The following FIP1L1 variants were observed in gnomAD, a reference collection of about 807,000 sequenced individuals.
FIP1L1 encodes pre-mRNA 3'-end-processing factor FIP1.
FIP1L1 carries 21 observed loss-of-function variants against 84.6 expected under a neutral mutation model. The ratio of observed to expected loss-of-function variants is 0.25; its 90% CI spans 0.18 to 0.36. FIP1L1 has a LOEUF of 0.36. FIP1L1 is among the 10% of genes least tolerant of loss of function. The pLI is 1.00. For missense variants in FIP1L1, 526 were observed against 751.1 expected (o/e 0.70, Z 3.50); for synonymous variants, 263 against 242.3 (o/e 1.09, Z -0.80).
At chr4:53,452,897 T>A in intron 15 of FIP1L1, 23 bp from the exon 16 acceptor site, 2 of 1,606,318 alleles carry the variant, frequency 1.2e-6, no homozygotes, top group Non-Finnish European at 1.7e-6. Flanking sequence ...TAACGTTTGT[T>A]TTTAATCGTG....
At chr4:53,408,417 T>G (rs1012284298) in intron 10 of FIP1L1, among the ~76,000 whole-genome samples, 2 of 152,206 alleles carry the variant, frequency 1.3e-5, no homozygotes, top group African/African-American at 4.8e-5. Context: ...TCTCTCTGGC[T>G]GCCCTGAACA....
chr4:53,377,870 C>G lies in FIP1L1; in HGVS notation c.32C>G (p.Ser11Trp). 1 of 1,600,924 alleles carries G rather than the reference C, an allele frequency of 6.2e-7. No individual in the cohort carries two copies. Among genetic ancestry groups the G allele is most frequent in the Non-Finnish European group, 8.5e-7 (1 of 1,173,912 alleles). The change falls in exon 1 of 18, where the codon TCG (serine) becomes TGG (tryptophan). Residue 11 changes from serine to tryptophan, a missense_variant. Physicochemically the swap from Ser to Trp is radical, Grantham distance 177 (BLOSUM62 -3). Around this residue, in one of 6 missense-constraint regions of FIP1L1, gnomAD observed 100 missense variants for 107.2 expected, o/e 0.93. Transcript: ENST00000337488. ...GCCGGCGAGGTCGAGCGCCTAGTGT[C>G]GGAGCTGAGCGGCGGGACCGGAGGG... MSAGEVERLV[S>W]ELSGGTGGDE...
chr4:53,393,323 C>A (rs1214619542), intron 9 of FIP1L1, among the ~76,000 whole-genome samples: 1 of 152,192 alleles, frequency 6.6e-6, no homozygotes, highest in African/African-American at 2.4e-5. Context: ...AATTTATTTT[C>A]ATATCTGCTG....
intron 10 of FIP1L1, among the ~76,000 whole-genome samples, chr4:53,411,008 A>T (rs1181761577): frequency 6.6e-6 from 1 of 152,190 alleles, no homozygotes; most frequent in Non-Finnish European, 1.5e-5. Context: ...TTTTCTTGAA[A>T]TTAATGGCCA....
At chr4:53,405,724 A>G (rs1353930599) in intron 10 of FIP1L1, among the ~76,000 whole-genome samples, 3 of 149,192 alleles carry the variant, frequency 2.0e-5, no homozygotes, top group Admixed American at 1.3e-4. Context: ...GGTCCTTCAC[A>G]TCCCTTGTAA....
chr4:53,383,866 C>T lies in FIP1L1; in HGVS notation c.322C>T (p.Pro108Ser). The T allele has an allele frequency of 1.2e-6, 2 of 1,611,562 alleles. No homozygotes were observed. Among genetic ancestry groups the T allele is most frequent in the South Asian group, 2.2e-5 (2 of 90,518 alleles). Residue 108 changes from proline (P) to serine (S), a missense_variant, in exon 5 of 18, where the codon CCA becomes TCA. Pro to Ser is a moderately conservative substitution (Grantham distance 74). Transcript: ENST00000337488. ...VTIGDIKTGAPQYGSYGTAPV... is the reference protein window; with the variant it reads ...VTIGDIKTGASQYGSYGTAPV... ...TATAGGAGACATTAAAACGGGAGCACCACAGTATGGGTAAGTTATTTTTTA... is the reference window on the plus strand; with the variant it reads ...TATAGGAGACATTAAAACGGGAGCATCACAGTATGGGTAAGTTATTTTTTA...
chr4:53,429,544 CAT>C (rs990022745), intron 13 of FIP1L1, among the ~76,000 whole-genome samples: 44 of 152,210 alleles, frequency 2.9e-4, no homozygotes, highest in African/African-American at 1.0e-3. Context: ...AATGTTTCAA[CAT>C]ATTTGATTAA....
At chr4:53,422,868 C>T (rs62325218) in intron 11 of FIP1L1, among the ~76,000 whole-genome samples, 1 of 152,022 alleles carries the variant, frequency 6.6e-6, no homozygotes, top group Non-Finnish European at 1.5e-5. Flanking sequence ...GCATGTGCTA[C>T]TATGCCTAGC....
chr4:53,453,570 A>G (rs1217486609), intron 16 of FIP1L1, among the ~76,000 whole-genome samples: 2 of 152,108 alleles, frequency 1.3e-5, no homozygotes, highest in Non-Finnish European at 2.9e-5. Context: ...CTTACATTGG[A>G]AGAAGATGCC....
chr4:53,417,286 A>C (rs1380120341), intron 11 of FIP1L1, among the ~76,000 whole-genome samples: 2 of 152,184 alleles, frequency 1.3e-5, no homozygotes, highest in East Asian at 3.9e-4. Context: ...AATTAGTCTC[A>C]AGAATATATG....
chr4:53,429,411 A>C (rs1198080391), intron 13 of FIP1L1, among the ~76,000 whole-genome samples: 1 of 152,216 alleles, frequency 6.6e-6, no homozygotes, highest in African/African-American at 2.4e-5. Context: ...TGTGTCTTTA[A>C]TATGCTGAGT....
chr4:53,399,665 T>C (rs1749219702), intron 9 of FIP1L1, 65 bp from the exon 10 acceptor site: 4 of 993,906 alleles, frequency 4.0e-6, no homozygotes, highest in Non-Finnish European at 6.2e-6. Flanking sequence ...TATTTTAACA[T>C]CTAAAGTCCA....
chr4:53,397,390 A>G (rs779119899), intron 9 of FIP1L1, among the ~76,000 whole-genome samples: 3 of 152,174 alleles, frequency 2.0e-5, no homozygotes, highest in Non-Finnish European at 4.4e-5. Context: ...GCTTGAATCC[A>G]AGTGGTCCAA....
At chr4:53,421,994 G>GT (rs1308065523) in intron 11 of FIP1L1, among the ~76,000 whole-genome samples, 1 of 152,168 alleles carries the variant, frequency 6.6e-6, no homozygotes, top group African/African-American at 2.4e-5. Context: ...AGACCACGTT[G>GT]TTTTGCTTCC....
At chr4:53,393,825 A>T (rs1008139916) in intron 9 of FIP1L1, among the ~76,000 whole-genome samples, 3 of 118,900 alleles carry the variant, frequency 2.5e-5, no homozygotes, top group Admixed American at 2.6e-4. Context: ...AGTTTTCTGA[A>T]ATTTTACAGT....
In FIP1L1 at chr4:53,377,718, GAGCTTTCTTC is replaced by G; in HGVS notation, c.-120_-111del. The stretch of plus-strand genomic sequence containing the variant: ...GTCGCCTTCCTGGGATTGGAGTCTC[GAGCTTTCTTC>G]GTTCGTTCGTCGGCGGGTTCGCGCC... On this transcript the variant is annotated 5_prime_UTR_variant, in exon 1 of 18. An upstream open reading frame in the 5' UTR gains an earlier in-frame stop. Coordinates refer to ENST00000337488, the MANE Select transcript of FIP1L1 (RefSeq NM_030917.4). 1 of 906,814 alleles carries G rather than the reference GAGCTTTCTTC, an allele frequency of 1.1e-6. No homozygotes were observed. The highest frequency in any genetic ancestry group is 1.6e-6 in the Non-Finnish European group (1 of 627,278). The allele number at this position is 906,814 out of a possible 1,614,324, so 56.2% of individuals were successfully genotyped here. A position where few individuals can be genotyped will look rare whatever the true frequency, so the allele number is the denominator to read the frequency against.
chr4:53,459,849 T>TAAGG lies in FIP1L1; in HGVS notation c.*401_*404dup, dbSNP rs933394203. Reference sequence around the variant, plus strand: ...CACAAAAGGCAACAAAGGGCCCCTCTAAGGCTTGAGATTAAAACTAGTCTT... The same window carrying TAAGG: ...CACAAAAGGCAACAAAGGGCCCCTCTAAGGAAGGCTTGAGATTAAAACTAGTCTT... On this transcript the variant is annotated 3_prime_UTR_variant, in exon 18 of 18. Coordinates refer to ENST00000337488, the MANE Select transcript of FIP1L1 (RefSeq NM_030917.4). 2.8e-5 allele frequency: 7 copies of TAAGG among 250,244 alleles called. No homozygotes were observed. The highest frequency in any genetic ancestry group is 1.3e-4 in the African/African-American group (6 of 45,142). 15.5% of individuals were successfully genotyped at this position (250,244 alleles called of 1,614,324 possible).
intron 9 of FIP1L1, among the ~76,000 whole-genome samples, chr4:53,397,332 T>C (rs558156174): frequency 6.6e-5 from 10 of 152,294 alleles, no homozygotes; most frequent in Non-Finnish European, 1.2e-4. Context: ...CTCAGTAAAA[T>C]TGGCTAGAGA....
chr4:53,391,751 T>C (rs987616398), intron 9 of FIP1L1, among the ~76,000 whole-genome samples: 1 of 152,158 alleles, frequency 6.6e-6, no homozygotes, highest in African/African-American at 2.4e-5. Context: ...TCATTTTGAG[T>C]CGTAATACAT....
Sources: allele counts gnomAD v4.1 joint callset (sites outside exome capture counted in the v4.1 genomes callset), GRCh38; gene constraint gnomAD v4.1.1; regional missense constraint gnomAD v4.1.1; transcripts MANE v1.5; gene names NCBI Gene and HGNC (gene_info 2026-07-23, HGNC 2026-07-21).